MYO1B: variants seen among roughly 807,000 people sequenced by gnomAD.
MYO1B encodes myosin IB.
Under a neutral mutation model 159.7 loss-of-function variants are expected in MYO1B, and 72 were observed. The ratio of observed to expected loss-of-function variants is 0.45; its 90% confidence interval spans 0.37 to 0.55. The LOEUF is 0.55. MYO1B is among the 20% of genes least tolerant of loss of function. The pLI, the probability that MYO1B is intolerant of heterozygous loss-of-function variation, is 0.00. For synonymous variants in MYO1B, 468 were observed against 473.8 expected, an observed-to-expected ratio of 0.99 and a Z score of 0.16; for missense variants, 1,062 against 1,364.8, an observed-to-expected ratio of 0.78 and a Z score of 3.50.
chr2:191,286,906 G>A (rs1270982347), intron 2 of MYO1B, among the ~76,000 whole-genome samples: 1 of 152,154 alleles, frequency 6.6e-6, no homozygotes, highest in African/African-American at 2.4e-5. Flanking sequence ...ACTCCAACCT[G>A]GGTGACAGAG....
Position 191,393,177 on chromosome 2 carries a change from GA to G in MYO1B, c.2188del (p.Ser730AlafsTer4). ...AATGCCGCACACACTTCCTGCTAAT[GA>G]AAAAAAGCCAAATTGTGATTGCCGC... Reference protein sequence around the residue: ...WKCRTHFLLMKKSQIVIAAWY... With the variant: ...WKCRTHFLLMXKSQIVIAAWY... On this transcript the variant is annotated frameshift_variant, in exon 20 of 31. Coordinates refer to ENST00000392318, the MANE Select transcript of MYO1B (RefSeq NM_001130158.3). LOFTEE classifies it high-confidence loss of function. 6.2e-7 allele frequency: 1 copy of G among 1,613,994 alleles called. No individual in the cohort carries two copies. Among genetic ancestry groups the G allele is most frequent in the Non-Finnish European group, 8.5e-7 (1 of 1,179,952 alleles).
At position 191,423,990 on chromosome 2, in the gene MYO1B, T is replaced by C; in HGVS notation, c.*30T>C. ...CGCCTCCTCTCTACTTTCATGGACT[T>C]GTTCCTTTGTAATAGTGCAATTTGG... is the stretch of plus-strand genomic sequence containing the variant. On this transcript the variant is annotated 3_prime_UTR_variant, in exon 31 of 31. Transcript: ENST00000392318. 2 of 1,604,664 alleles carry C rather than the reference T, an allele frequency of 1.2e-6. No homozygotes were observed. The highest frequency in any genetic ancestry group is 2.2e-5 in the South Asian group (2 of 89,296).
intron 30 of MYO1B, among the ~76,000 whole-genome samples, chr2:191,423,305 T>C (rs931677314): frequency 2.0e-5 from 3 of 152,180 alleles, no homozygotes; most frequent in Non-Finnish European, 4.4e-5. Flanking sequence ...CAATGGTAAA[T>C]AGTTGTCTAT....
At chr2:191,349,545 A>G (rs923960019) in intron 6 of MYO1B, among the ~76,000 whole-genome samples, 7 of 152,318 alleles carry the variant, frequency 4.6e-5, no homozygotes, top group East Asian at 1.9e-4. Flanking sequence ...ATTAAACTCT[A>G]TGTGTGTTTC....
chr2:191,408,919 GT>G, intron 25 of MYO1B, 124 bp from the exon 26 acceptor site: 1 of 1,053,648 alleles, frequency 9.5e-7, no homozygotes, highest in South Asian at 1.8e-5. Context: ...ATGAGTTACA[GT>G]TCTATAAATT....
chr2:191,306,352 G>C (rs1007756809), intron 3 of MYO1B, among the ~76,000 whole-genome samples: 3 of 152,154 alleles, frequency 2.0e-5, no homozygotes, highest in African/African-American at 7.2e-5. Flanking sequence ...GCACATCAGT[G>C]ATCTAAGTTC....
chr2:191,294,066 C>T (rs1688839188), intron 2 of MYO1B, among the ~76,000 whole-genome samples: 1 of 152,098 alleles, frequency 6.6e-6, no homozygotes, highest in Non-Finnish European at 1.5e-5. Flanking sequence ...TCATGGTGGG[C>T]CAGACACTGT....
At chr2:191,393,773 A>G (rs1240415118) in intron 20 of MYO1B, among the ~76,000 whole-genome samples, 1 of 152,200 alleles carries the variant, frequency 6.6e-6, no homozygotes, top group Non-Finnish European at 1.5e-5. Context: ...ATTCAATAAT[A>G]AATAATGTTT....
At position 191,415,164 on chromosome 2, in the gene MYO1B, G is replaced by T. The variant is rs555984366; in HGVS notation, c.3159+495G>T. Reference sequence around the variant, plus strand: ...TAATTTTGGCCAAGGCATTTAATTTGTGTGTGCCTACCTACTTTTTCTCAT... The same window carrying T: ...TAATTTTGGCCAAGGCATTTAATTTTTGTGTGCCTACCTACTTTTTCTCAT... On this transcript the variant is annotated intron_variant, in intron 29 of 30. Coordinates refer to ENST00000392318, the MANE Select transcript of MYO1B (RefSeq NM_001130158.3). 3.9e-5 allele frequency among the ~76,000 whole-genome samples: 6 copies of T among 152,294 alleles called. No homozygotes were observed. In the South Asian group the frequency reaches 1.2e-3, roughly 32 times the overall value.
At chr2:191,294,870 T>C (rs1688889101) in intron 2 of MYO1B, among the ~76,000 whole-genome samples, 1 of 151,916 alleles carries the variant, frequency 6.6e-6, no homozygotes, top group African/African-American at 2.4e-5. Flanking sequence ...TTGTGACCCC[T>C]GTAAAAAGAA....
intron 4 of MYO1B, among the ~76,000 whole-genome samples, chr2:191,334,234 A>G (rs1691680721): frequency 6.6e-6 from 1 of 151,898 alleles, no homozygotes; most frequent in Non-Finnish European, 1.5e-5. Context: ...CCTCTGGAAC[A>G]TGTGTTCTGA....
chr2:191,333,017 C>T (rs951967255), intron 4 of MYO1B, among the ~76,000 whole-genome samples: 1 of 152,154 alleles, frequency 6.6e-6, no homozygotes, highest in Non-Finnish European at 1.5e-5. Context: ...AGGAGCCAGC[C>T]TCCTGTCTTT....
chr2:191,245,846 G>T (rs1344088076), intron 1 of MYO1B: 2 of 152,092 alleles, frequency 1.3e-5, no homozygotes, highest in Admixed American at 1.3e-4. Flanking sequence ...CTCCGCAGTG[G>T]CTTCGGGGGT....
intron 1 of MYO1B, among the ~76,000 whole-genome samples, chr2:191,264,707 C>T (rs1167350028): frequency 6.6e-6 from 1 of 151,484 alleles, no homozygotes; most frequent in Non-Finnish European, 1.5e-5. Context: ...TTTCCTTTGC[C>T]TCTGAGTAAT....
intron 3 of MYO1B, among the ~76,000 whole-genome samples, chr2:191,309,531 C>T (rs1399366056): frequency 6.6e-6 from 1 of 152,166 alleles, no homozygotes; most frequent in Non-Finnish European, 1.5e-5. Context: ...TTGCTGCTCA[C>T]AAAACCTGCA....
chr2:191,318,653 C>T (rs1453129779), intron 3 of MYO1B, among the ~76,000 whole-genome samples: 1 of 152,170 alleles, frequency 6.6e-6, no homozygotes, highest in African/African-American at 2.4e-5. Context: ...GCTTGCAGAT[C>T]CAAGTGTTTG....
intron 6 of MYO1B, among the ~76,000 whole-genome samples, chr2:191,349,043 C>T (rs551408586): frequency 6.6e-6 from 1 of 152,296 alleles, no homozygotes; most frequent in South Asian, 2.1e-4. Flanking sequence ...CCCTTTGTTC[C>T]CGCTTCTTTG....
At position 191,266,600 on chromosome 2, in the gene MYO1B, T is replaced by C. The variant is rs114680795; in HGVS notation, c.-9-10287T>C. On this transcript the variant is annotated intron_variant, in intron 1 of 30. Coordinates refer to ENST00000392318, the MANE Select transcript of MYO1B (RefSeq NM_001130158.3). ...TAATAGAATAGGTGTGAAAGACCAT[T>C]TTCAGACCCGTCAGAAAAGCTTCAT... 4.8e-3 allele frequency among the ~76,000 whole-genome samples: 738 copies of C among 152,322 alleles called. 2 individuals are homozygous for C. The highest frequency in any genetic ancestry group is 8.9e-3 in the Non-Finnish European group (607 of 68,030).
intron 1 of MYO1B, among the ~76,000 whole-genome samples, chr2:191,273,771 C>A (rs1687595079): frequency 6.6e-6 from 1 of 152,140 alleles, no homozygotes; most frequent in African/African-American, 2.4e-5. Flanking sequence ...CAAAAAGTAT[C>A]CCCAGTGCTC....
Sources: gnomAD v4.1 joint callset for allele counts (sites outside exome capture counted in the v4.1 genomes callset) on GRCh38, gnomAD v4.1.1 for gene constraint, MANE v1.5 for transcripts, NCBI Gene and HGNC (gene_info 2026-07-23, HGNC 2026-07-21) for gene names.